The following DNAL1 variants were observed in gnomAD, a reference collection of about 807,000 sequenced individuals.
The protein encoded by DNAL1 is chromosome 14 open reading frame 168.
A neutral mutation model predicts 29.4 loss-of-function variants in DNAL1; 17 were observed. The ratio of observed to expected loss-of-function variants is 0.58; its 90% confidence interval spans 0.40 to 0.87. The LOEUF (loss-of-function observed/expected upper bound fraction) is 0.87. DNAL1 is among the 40% of genes least tolerant of loss of function. The pLI is 0.00. For missense variants in DNAL1, 188 were observed against 214.1 expected (o/e 0.88, Z 0.76); for synonymous variants, 78 against 76.3 (o/e 1.02, Z -0.12).
intron 5 of DNAL1, among the ~76,000 whole-genome samples, chr14:73,675,384 A>G (rs1000525274): frequency 8.5e-5 from 13 of 152,252 alleles, no homozygotes; most frequent in African/African-American, 2.6e-4. Context: ...GGCTCCAGCA[A>G]TCCTTGCTCC....
At chr14:73,685,045 AAATTTT>A (rs1461461452) in intron 5 of DNAL1, among the ~76,000 whole-genome samples, 1 of 152,252 alleles carries the variant, frequency 6.6e-6, no homozygotes, top group Non-Finnish European at 1.5e-5. Context: ...AAAAAATCAT[AAATTTT>A]AATAGCTGAG....
At chr14:73,655,452 C>T (rs1394162236) in intron 2 of DNAL1, among the ~76,000 whole-genome samples, 1 of 151,196 alleles carries the variant, frequency 6.6e-6, no homozygotes, top group Non-Finnish European at 1.5e-5. Context: ...TCAAGCGATT[C>T]TCCTGCCTCA....
At position 73,696,104 on chromosome 14, in the gene DNAL1, G is replaced by T; in HGVS notation, c.*162G>T. 1.5e-6 allele frequency: 1 copy of T among 665,372 alleles called. No homozygotes were observed. The highest frequency in any genetic ancestry group is 1.9e-5 in the African/African-American group (1 of 53,276). 41.2% of individuals were successfully genotyped at this position (665,372 alleles called of 1,614,324 possible). A position where few individuals can be genotyped will look rare whatever the true frequency, so the allele number is the denominator to read the frequency against. On this transcript the variant is annotated 3_prime_UTR_variant, in exon 8 of 8. Coordinates refer to ENST00000553645, the MANE Select transcript of DNAL1 (RefSeq NM_031427.4). Reference sequence around the variant, plus strand: ...TTTTTTTTCCTTTAACTTATTCAGTGTTTCTCCCCAAAACTGGTAATGCCA... The same window carrying T: ...TTTTTTTTCCTTTAACTTATTCAGTTTTTCTCCCCAAAACTGGTAATGCCA...
chr14:73,697,771 A>T lies in DNAL1; in HGVS notation c.*1829A>T, dbSNP rs563552755. ...AAAAAAAAAAAAAAAAAAAAGAGGA[A>T]AACTTGGTCTAACACCCTTTTAGTT... On this transcript the variant is annotated 3_prime_UTR_variant, in exon 8 of 8. Coordinates refer to ENST00000553645, the MANE Select transcript of DNAL1 (RefSeq NM_031427.4). The T allele has an allele frequency of 1.3e-5, 2 of 151,484 alleles. No homozygotes were observed. Among genetic ancestry groups the T allele is most frequent in the East Asian group, 3.9e-4 (2 of 5,180 alleles). The allele number at this position is 151,484 out of a possible 1,614,324, so 9.4% of individuals were successfully genotyped here.
In DNAL1 at chr14:73,696,650, T is replaced by G. The variant is rs963730395; in HGVS notation, c.*708T>G. 1 of 152,246 alleles carries G rather than the reference T, an allele frequency of 6.6e-6. No homozygotes were observed. Among genetic ancestry groups the G allele is most frequent in the African/African-American group, 2.4e-5 (1 of 41,470 alleles). The allele number at this position is 152,246 out of a possible 1,614,324, so 9.4% of individuals were successfully genotyped here. A position where few individuals can be genotyped will look rare whatever the true frequency, so the allele number is the denominator to read the frequency against. On this transcript the variant is annotated 3_prime_UTR_variant, in exon 8 of 8. Coordinates refer to ENST00000553645, the MANE Select transcript of DNAL1 (RefSeq NM_031427.4). The stretch of plus-strand genomic sequence containing the variant: ...GATCTCAGTTAGTGGTTAAAATGAC[T>G]GTCATGATCATTTCTTTGACTGATA...
At chr14:73,664,282 TCTC>T (rs1891424033) in intron 4 of DNAL1, among the ~76,000 whole-genome samples, 1 of 152,184 alleles carries the variant, frequency 6.6e-6, no homozygotes, top group Non-Finnish European at 1.5e-5. Context: ...TCCTAATTGA[TCTC>T]CTTTCCTCCT....
At position 73,703,298 on chromosome 14, in the gene DNAL1, A is replaced by C. The variant is rs1892481002; in HGVS notation, c.*7356A>C. ...ATATATACGCATGTAGATACATACAATTGTTATATATAATTAAAAGTCAGA... is the reference window on the plus strand; with the variant it reads ...ATATATACGCATGTAGATACATACACTTGTTATATATAATTAAAAGTCAGA... On this transcript the variant is annotated 3_prime_UTR_variant, in exon 8 of 8. Coordinates refer to ENST00000553645, the MANE Select transcript of DNAL1 (RefSeq NM_031427.4). 1 of 152,174 alleles carries C rather than the reference A, an allele frequency of 6.6e-6. No individual in the cohort carries two copies. Among genetic ancestry groups the C allele is most frequent in the South Asian group, 2.1e-4 (1 of 4,828 alleles). 9.4% of individuals were successfully genotyped at this position (152,174 alleles called of 1,614,324 possible). A position where few individuals can be genotyped will look rare whatever the true frequency, so the allele number is the denominator to read the frequency against.
chr14:73,659,004 C>A, intron 3 of DNAL1, 48 bp downstream of exon 3: 1 of 1,264,986 alleles, frequency 7.9e-7, no homozygotes, highest in Non-Finnish European at 1.0e-6. Flanking sequence ...GTTTCCCTTT[C>A]TTTTCTTAAA....
intron 7 of DNAL1, among the ~76,000 whole-genome samples, chr14:73,694,236 CTATA>C (rs1288395648): frequency 7.7e-5 from 6 of 77,988 alleles, no homozygotes; most frequent in Non-Finnish European, 1.6e-4. Context: ...CAAGCCCTGT[CTATA>C]AATAAATAAA....
chr14:73,690,008 C>T (rs1892129517), intron 7 of DNAL1, among the ~76,000 whole-genome samples: 1 of 144,000 alleles, frequency 6.9e-6, no homozygotes, highest in African/African-American at 2.6e-5. Flanking sequence ...TGCACTCCAG[C>T]CTGGGCAAAA....
At chr14:73,647,605 T>C (rs1361862611) in intron 1 of DNAL1, among the ~76,000 whole-genome samples, 1 of 152,124 alleles carries the variant, frequency 6.6e-6, no homozygotes. Context: ...TGGAGCTGAG[T>C]AGAGGTTATC....
intron 3 of DNAL1, among the ~76,000 whole-genome samples, chr14:73,661,526 C>T (rs1364704657): frequency 6.6e-6 from 1 of 152,216 alleles, no homozygotes; most frequent in Non-Finnish European, 1.5e-5. Context: ...AAGTGGATCA[C>T]TTGAGGTCAG....
intron 5 of DNAL1, among the ~76,000 whole-genome samples, chr14:73,685,146 A>G (rs138967266): frequency 6.6e-6 from 1 of 152,282 alleles, no homozygotes; most frequent in East Asian, 1.9e-4. Context: ...AAAGTTTACC[A>G]TCTAAAACAT....
chr14:73,657,292 C>T (rs375466296), intron 2 of DNAL1, among the ~76,000 whole-genome samples: 11 of 152,322 alleles, frequency 7.2e-5, no homozygotes, highest in Middle Eastern at 3.4e-3. Flanking sequence ...CCTCCCACCT[C>T]AGCCTCCACC....
chr14:73,702,527 AT>A lies in DNAL1; in HGVS notation c.*6588del, dbSNP rs1892462620. 6.6e-6 allele frequency: 1 copy of A among 151,742 alleles called. No homozygotes were observed. Among genetic ancestry groups the A allele is most frequent in the Admixed American group, 6.6e-5 (1 of 15,234 alleles). 9.4% of individuals were successfully genotyped at this position (151,742 alleles called of 1,614,324 possible). A position where few individuals can be genotyped will look rare whatever the true frequency, so the allele number is the denominator to read the frequency against. On this transcript the variant is annotated 3_prime_UTR_variant, in exon 8 of 8. Transcript: ENST00000553645. ...ACTCTTCCCCAGTTCTTTGGGCACT[AT>A]TTCAAATTATTAGGCTTCTGGAAAG...
intron 4 of DNAL1, among the ~76,000 whole-genome samples, chr14:73,670,703 G>A (rs969503539): frequency 3.3e-5 from 5 of 150,992 alleles, no homozygotes; most frequent in Non-Finnish European, 5.9e-5. Context: ...ATAAAGATAG[G>A]CATTTTATTT....
rs756818758 is a variant in DNAL1, at chr14:73,699,827, T to C, written c.*3885T>C. 1 of 152,214 alleles carries C rather than the reference T, an allele frequency of 6.6e-6. No individual in the cohort carries two copies. Among genetic ancestry groups the C allele is most frequent in the Non-Finnish European group, 1.5e-5 (1 of 68,038 alleles). 9.4% of individuals were successfully genotyped at this position (152,214 alleles called of 1,614,324 possible). A position where few individuals can be genotyped will look rare whatever the true frequency, so the allele number is the denominator to read the frequency against. On this transcript the variant is annotated 3_prime_UTR_variant, in exon 8 of 8. Transcript: ENST00000553645. ...AATATTTTGAGTGTACTTTAGAAAA[T>C]AGGTCATCATTCTTTAAGCGTCATT...
intron 1 of DNAL1, among the ~76,000 whole-genome samples, chr14:73,654,615 C>T (rs886414868): frequency 9.9e-5 from 15 of 152,066 alleles, no homozygotes; most frequent in South Asian, 8.3e-4. Flanking sequence ...AAAAATTAGC[C>T]GGGAGTGGTG....
chr14:73,652,690 T>C (rs1198525572), intron 1 of DNAL1, among the ~76,000 whole-genome samples: 1 of 152,228 alleles, frequency 6.6e-6, no homozygotes, highest in Non-Finnish European at 1.5e-5. Context: ...CTGTTTTTCA[T>C]TGACTTTTTC....
Sources: allele counts gnomAD v4.1 joint callset (sites outside exome capture counted in the v4.1 genomes callset), GRCh38; gene constraint gnomAD v4.1.1; transcripts MANE v1.5; gene names NCBI Gene and HGNC (gene_info 2026-07-23, HGNC 2026-07-21).